RFX3: variants seen among roughly 807,000 people sequenced by gnomAD.
RFX3 encodes the protein transcription factor RFX3.
Under a neutral mutation model 98.6 loss-of-function variants are expected in RFX3, and 14 were observed. The ratio of observed to expected loss-of-function variants is 0.14; its 90% CI spans 0.09 to 0.22. The LOEUF (loss-of-function observed/expected upper bound fraction) is 0.22, where lower values mean the gene tolerates loss of function less well. Among genes scored for constraint, RFX3 ranks in the 10% least tolerant of loss-of-function variants. The probability of loss-of-function intolerance (pLI) is 1.00; values close to 1 mark genes in which losing one functional copy is unlikely to be tolerated. For missense variants in RFX3, 639 were observed against 926.9 expected, an observed-to-expected ratio of 0.69 and a Z score of 4.03; for synonymous variants, 383 against 328.4, an observed-to-expected ratio of 1.17 and a Z score of -1.80.
intron 1 of RFX3, among the ~76,000 whole-genome samples, chr9:3,428,983 T>G (rs535956608): frequency 3.3e-5 from 5 of 151,958 alleles, no homozygotes; most frequent in Non-Finnish European, 7.4e-5. Flanking sequence ...CCCAAAAACG[T>G]TTTAATTTCT....
chr9:3,395,382 T>C, intron 2 of RFX3, 90 bp downstream of exon 2: 1 of 1,452,580 alleles, frequency 6.9e-7, no homozygotes. Context: ...AGCAAGACAG[T>C]AAAGTTCAAA....
chr9:3,477,128 A>C (rs1849340048), intron 1 of RFX3, among the ~76,000 whole-genome samples: 1 of 152,082 alleles, frequency 6.6e-6, no homozygotes, highest in East Asian at 1.9e-4. Context: ...TACTTTTATA[A>C]ACACTTCTCC....
chr9:3,444,620 C>T (rs375245314), intron 1 of RFX3, among the ~76,000 whole-genome samples: 9 of 152,170 alleles, frequency 5.9e-5, no homozygotes, highest in East Asian at 3.9e-4. Flanking sequence ...ACAAAATCAA[C>T]GACTGGCAAA....
chr9:3,254,269 A>G (rs1186394887), intron 14 of RFX3, among the ~76,000 whole-genome samples: 1 of 151,322 alleles, frequency 6.6e-6, no homozygotes, highest in Non-Finnish European at 1.5e-5. Context: ...TCAACTAAAT[A>G]TAGGAAAAAA....
At chr9:3,365,544 GAA>G (rs202111558) in intron 2 of RFX3, among the ~76,000 whole-genome samples, 1 of 152,028 alleles carries the variant, frequency 6.6e-6, no homozygotes, top group Non-Finnish European at 1.5e-5. Flanking sequence ...CTGAAGAAAA[GAA>G]AAAGAGTAGC....
At chr9:3,350,919 G>A (rs531261243) in intron 2 of RFX3, among the ~76,000 whole-genome samples, 1 of 152,220 alleles carries the variant, frequency 6.6e-6, no homozygotes, top group Non-Finnish European at 1.5e-5. Context: ...AAAAAGATCA[G>A]TGGCTGCCAG....
intron 2 of RFX3, among the ~76,000 whole-genome samples, chr9:3,386,559 C>G (rs1224937331): frequency 6.6e-6 from 1 of 152,110 alleles, no homozygotes; most frequent in African/African-American, 2.4e-5. Context: ...ATAAAGCCCA[C>G]TCAATTTCCA....
At chr9:3,286,399 T>A (rs1256147676) in intron 7 of RFX3, among the ~76,000 whole-genome samples, 1 of 151,736 alleles carries the variant, frequency 6.6e-6, no homozygotes, top group African/African-American at 2.4e-5. Flanking sequence ...AAAATAAGAA[T>A]CAGCAATAAA....
intron 14 of RFX3, among the ~76,000 whole-genome samples, chr9:3,248,441 G>A (rs1019262626): frequency 6.6e-6 from 1 of 152,136 alleles, no homozygotes; most frequent in African/African-American, 2.4e-5. Flanking sequence ...CTACTATCAT[G>A]GGCAAGTCTG....
intron 1 of RFX3, among the ~76,000 whole-genome samples, chr9:3,396,450 T>G (rs892724304): frequency 1.3e-5 from 2 of 152,184 alleles, no homozygotes; most frequent in Admixed American, 1.3e-4. Flanking sequence ...TTGTTGGACA[T>G]TTGGCTTGGT....
chr9:3,445,431 C>T (rs769276789), intron 1 of RFX3, among the ~76,000 whole-genome samples: 4 of 152,124 alleles, frequency 2.6e-5, no homozygotes, highest in South Asian at 4.1e-4. Context: ...TCCCATTTTA[C>T]AGATGAAATA....
chr9:3,435,836 GC>G (rs1315307415), intron 1 of RFX3, among the ~76,000 whole-genome samples: 1 of 142,964 alleles, frequency 7.0e-6, no homozygotes, highest in Admixed American at 7.1e-5. Flanking sequence ...GGATAACACT[GC>G]CTTTTATCTG....
At chr9:3,226,228 G>A (rs1400806831) in intron 16 of RFX3, among the ~76,000 whole-genome samples, 1 of 152,152 alleles carries the variant, frequency 6.6e-6, no homozygotes, top group Non-Finnish European at 1.5e-5. Context: ...TACAATGAAT[G>A]TGCAACAAGT....
chr9:3,457,139 CAAAAAAAAAAAAAAAAA>C (rs1169959832), intron 1 of RFX3, among the ~76,000 whole-genome samples: 24 of 22,804 alleles, frequency 1.1e-3, no homozygotes, highest in African/African-American at 2.6e-3. Flanking sequence ...GACTCCATCT[CAAAAAAAAAAAAAAAAA>C]AAAAAAAAAA....
At chr9:3,323,622 G>A (rs1429911324) in intron 4 of RFX3, among the ~76,000 whole-genome samples, 2 of 152,088 alleles carry the variant, frequency 1.3e-5, no homozygotes, top group Admixed American at 6.6e-5. Flanking sequence ...TGCTTATCTA[G>A]ATCTTGTATG....
chr9:3,378,419 T>C (rs976521760), intron 2 of RFX3, among the ~76,000 whole-genome samples: 2 of 152,138 alleles, frequency 1.3e-5, no homozygotes, highest in African/African-American at 2.4e-5. Flanking sequence ...ACAAGTTGCA[T>C]TTTTCGCCCC....
At chr9:3,385,715 GAAAAGA>G (rs1839645949) in intron 2 of RFX3, among the ~76,000 whole-genome samples, 1 of 145,060 alleles carries the variant, frequency 6.9e-6, no homozygotes. Context: ...GAAAAGAAAA[GAAAAGA>G]AAAGAAAACT....
At chr9:3,418,374 C>T (rs948101192) in intron 1 of RFX3, among the ~76,000 whole-genome samples, 1 of 151,884 alleles carries the variant, frequency 6.6e-6, no homozygotes, top group Non-Finnish European at 1.5e-5. Flanking sequence ...ATACTTGAAG[C>T]TTTTTTGTTT....
intron 1 of RFX3, among the ~76,000 whole-genome samples, chr9:3,465,329 T>C (rs375553600): frequency 1.3e-5 from 2 of 152,050 alleles, no homozygotes; most frequent in Admixed American, 1.3e-4. Context: ...CTCACTCTGT[T>C]TCCCAGGCTG....
Sources: allele counts gnomAD v4.1 joint callset (sites outside exome capture counted in the v4.1 genomes callset), GRCh38; gene constraint gnomAD v4.1.1; transcripts MANE v1.5; gene names NCBI Gene and HGNC (gene_info 2026-07-23, HGNC 2026-07-21).